Variants in RASGRF1 observed in about 807,000 individuals in gnomAD.
RASGRF1 encodes ras-specific guanine nucleotide-releasing factor 1.
In RASGRF1, 40 loss-of-function variants were observed where a neutral mutation model predicts 138.7. That is an observed-to-expected ratio of 0.29 (90% CI 0.22 to 0.38). The LOEUF is 0.38. Among genes scored for constraint, RASGRF1 ranks in the 10% least tolerant of loss-of-function variants. The pLI is 1.00. For missense variants in RASGRF1, 1,108 were observed against 1,650.4 expected (o/e 0.67, Z 5.69); for synonymous variants, 614 against 663.2 (o/e 0.93, Z 1.14).
chr15:79,077,767 T>A (rs1797225091), intron 1 of RASGRF1, among the ~76,000 whole-genome samples: 1 of 152,204 alleles, frequency 6.6e-6, no homozygotes, highest in South Asian at 2.1e-4. Context: ...CTGCCATGCC[T>A]GCTTCAGGGA....
At chr15:79,083,445 C>T (rs1209588304) in intron 1 of RASGRF1, among the ~76,000 whole-genome samples, 2 of 152,288 alleles carry the variant, frequency 1.3e-5, no homozygotes, top group Admixed American at 6.5e-5. Flanking sequence ...CCAGGGAAAC[C>T]GGATTGTGGG....
At position 78,985,079 on chromosome 15, in the gene RASGRF1, C is replaced by T. The variant is rs1028667615; in HGVS notation, c.3342G>A (p.Leu1114=). ...TGCGGTTCATGGACGAGGTGATCTC[C>T]AGTACGGCATTGTAGTTGTGGAGGC... is the stretch of plus-strand genomic sequence containing the variant. The part of the protein sequence containing the change: ...CRCLHNYNAV[L]EITSSMNRSA... Residue 1114 remains leucine, a synonymous_variant, in exon 23 of 27, where the codon CTG becomes CTA. Coordinates refer to ENST00000558480, the MANE Select transcript of RASGRF1 (RefSeq NM_001145648.3). 19 of 1,614,004 alleles carry T rather than the reference C, an allele frequency of 1.2e-5. No homozygotes were observed. Among genetic ancestry groups the T allele is most frequent in the South Asian group, 3.3e-5 (3 of 91,076 alleles).
At chr15:78,996,573 C>T (rs1037447493) in intron 19 of RASGRF1, among the ~76,000 whole-genome samples, 4 of 152,162 alleles carry the variant, frequency 2.6e-5, no homozygotes, top group African/African-American at 9.7e-5. Flanking sequence ...ATGGTGGGCC[C>T]ACGCTCCAAA....
intron 4 of RASGRF1, among the ~76,000 whole-genome samples, chr15:79,048,212 A>G (rs545726773): frequency 1.6e-4 from 25 of 152,258 alleles, no homozygotes; most frequent in African/African-American, 6.0e-4. Context: ...GCAAGTCCCA[A>G]TGCCTGTGGG....
At chr15:79,039,341 C>T (rs1222307558) in intron 5 of RASGRF1, among the ~76,000 whole-genome samples, 1 of 145,786 alleles carries the variant, frequency 6.9e-6, no homozygotes. Flanking sequence ...CTAATATATG[C>T]TTAAGTCTCT....
intron 20 of RASGRF1, 99 bp from the exon 21 acceptor site, chr15:78,991,893 G>T: frequency 2.4e-6 from 2 of 848,584 alleles, no homozygotes; most frequent in East Asian, 2.5e-5. Context: ...CCCTCGAATT[G>T]GGTGGGCGGG....
chr15:79,004,339 G>T (rs774718512), intron 14 of RASGRF1, among the ~76,000 whole-genome samples, 164 bp from the exon 15 acceptor site: 1 of 152,174 alleles, frequency 6.6e-6, no homozygotes, highest in Non-Finnish European at 1.5e-5. Flanking sequence ...GGGACAATGC[G>T]ATTAAATGGC....
intron 24 of RASGRF1, chr15:78,979,051 G>A (rs1259057336): frequency 2.3e-6 from 3 of 1,291,852 alleles, no homozygotes; most frequent in African/African-American, 3.0e-5. Context: ...CCAGCCATGT[G>A]AGGAGGTGGA....
At chr15:78,994,266 G>A (rs1595880200) in intron 20 of RASGRF1, among the ~76,000 whole-genome samples, 3 of 152,244 alleles carry the variant, frequency 2.0e-5, no homozygotes, top group East Asian at 1.9e-4. Flanking sequence ...TGTGGACCAC[G>A]TGTGGGTTCC....
intron 3 of RASGRF1, among the ~76,000 whole-genome samples, chr15:79,052,060 C>T (rs1047037480): frequency 3.3e-5 from 5 of 152,176 alleles, no homozygotes; most frequent in African/African-American, 1.2e-4. Flanking sequence ...CCATGGGGAA[C>T]TGGACCTCTG....
chr15:78,988,372 T>C (rs1161784905), intron 22 of RASGRF1, among the ~76,000 whole-genome samples: 1 of 152,218 alleles, frequency 6.6e-6, no homozygotes, highest in Non-Finnish European at 1.5e-5. Flanking sequence ...TGCCTGGTGC[T>C]GTAAGGTGTG....
intron 9 of RASGRF1, among the ~76,000 whole-genome samples, chr15:79,026,522 C>T (rs975218237): frequency 3.3e-5 from 5 of 152,208 alleles, no homozygotes; most frequent in Admixed American, 2.0e-4. Flanking sequence ...TGAGGCTGTT[C>T]TCTGAGTGTC....
In RASGRF1 at chr15:79,006,592, C is replaced by T. The variant is rs564994427; in HGVS notation, c.1827-158G>A. Among the ~76,000 whole-genome samples the T allele has an allele frequency of 6.6e-6, 1 of 152,314 alleles. No individual in the cohort carries two copies. The highest frequency in any genetic ancestry group is 1.9e-4 in the East Asian group (1 of 5,190). ...GAAGGATGACACTGAAGGAGGGCTA[C>T]AACTTCTTTTTCCCAATATCCTAAA... On this transcript the variant is annotated intron_variant, in intron 13 of 26. Transcript: ENST00000558480. This position sits in a 1 kb window ranked among gnomAD's most constrained non-coding sequence, Gnocchi z 4.0.
chr15:79,058,261 C>T, intron 3 of RASGRF1, 73 bp downstream of exon 3: 1 of 1,554,198 alleles, frequency 6.4e-7, no homozygotes, highest in Non-Finnish European at 8.7e-7. Flanking sequence ...CATGTGGCTC[C>T]CCAATCCTGC....
chr15:79,051,222 G>A (rs1402402056), intron 3 of RASGRF1, among the ~76,000 whole-genome samples: 3 of 152,204 alleles, frequency 2.0e-5, no homozygotes, highest in Non-Finnish European at 4.4e-5. Context: ...TCATAATTGA[G>A]TGAATCAAGC....
rs138085895 is a variant in RASGRF1, at chr15:78,962,182, C to T, written c.3736G>A (p.Glu1246Lys). The change falls in exon 27 of 27, where the codon GAG (glutamate) becomes AAG (lysine). Residue 1246 changes from glutamate (E) to lysine (K), a missense_variant. Physicochemically the swap from Glu to Lys is moderately conservative, Grantham distance 56 (BLOSUM62 1). This residue lies in a region of RASGRF1 where 686 missense variants were observed against 976.7 expected (regional missense o/e 0.70). Coordinates refer to ENST00000558480, the MANE Select transcript of RASGRF1 (RefSeq NM_001145648.3). The stretch of plus-strand genomic sequence containing the variant: ...TTTGGTTCTATTCGGAGAGAAGACT[C>T]GTAGAGGCTTTCTTCATCCATTACA... Reference protein sequence around the residue: ...SFVMDEESLYESSLRIEPKLP... With the variant: ...SFVMDEESLYKSSLRIEPKLP... The T allele has an allele frequency of 3.8e-4, 605 of 1,589,482 alleles. No individual in the cohort carries two copies. The highest frequency in any genetic ancestry group is 4.8e-4 in the Non-Finnish European group (564 of 1,164,028).
chr15:78,984,447 T>C (rs1347114206), intron 23 of RASGRF1: 1 of 167,946 alleles, frequency 6.0e-6, no homozygotes, highest in Non-Finnish European at 1.3e-5. Flanking sequence ...ATGTTTTATG[T>C]TTATGGCTTT....
intron 1 of RASGRF1, among the ~76,000 whole-genome samples, chr15:79,086,141 T>A (rs1407607313): frequency 6.6e-6 from 1 of 152,180 alleles, no homozygotes; most frequent in Non-Finnish European, 1.5e-5. Context: ...CTTGCTGGTT[T>A]CCTATAGGTG....
chr15:79,030,210 C>T (rs2057117276), intron 8 of RASGRF1, among the ~76,000 whole-genome samples: 1 of 152,180 alleles, frequency 6.6e-6, no homozygotes, highest in Admixed American at 6.5e-5. Flanking sequence ...TGGTTGGCTG[C>T]CCCTTGCCGG....
Sources: allele counts gnomAD v4.1 joint callset (sites outside exome capture counted in the v4.1 genomes callset), GRCh38; gene constraint gnomAD v4.1.1; regional missense constraint gnomAD v4.1.1; non-coding constraint Gnocchi (gnomAD v3.1); transcripts MANE v1.5; gene names NCBI Gene and HGNC (gene_info 2026-07-23, HGNC 2026-07-21).